OR2M3: variants seen among roughly 807,000 people sequenced by gnomAD.
OR2M3 encodes olfactory receptor 2M3.
A neutral mutation model predicts 4.3 loss-of-function variants in OR2M3; 1 was observed. The ratio of observed to expected loss-of-function variants is 0.23; its 90% confidence interval spans 0.08 to 1.11. OR2M3 has a LOEUF of 1.11. OR2M3 is among the 50% of genes most tolerant of loss of function. The pLI, the probability that OR2M3 is intolerant of heterozygous loss-of-function variation, is 0.54. For missense variants in OR2M3, 410 were observed against 390.4 expected (o/e 1.05, Z -0.42); for synonymous variants, 151 against 139.4 (o/e 1.08, Z -0.59).
At chr1:248,199,959 C>T (rs1666137674) in intron 1 of OR2M3, among the ~76,000 whole-genome samples, 1 of 152,074 alleles carries the variant, frequency 6.6e-6, no homozygotes, top group Non-Finnish European at 1.5e-5. Context: ...TTTAATGCTT[C>T]ATGATTCAGT....
rs1195935159 is a variant in OR2M3, at chr1:248,203,565, CT to C, written c.499del (p.Ser167ProfsTer8). The C allele has an allele frequency of 6.2e-7, 1 of 1,613,816 alleles. No individual in the cohort carries two copies. The highest frequency in any genetic ancestry group is 1.1e-5 in the South Asian group (1 of 91,064). On this transcript the variant is annotated frameshift_variant, in exon 2 of 2. Transcript: ENST00000641626. LOFTEE classifies it low-confidence loss of function (END_TRUNC). ...TTGATGTTGTAGCAACATTTTCCTTCTCCTACTGTGGGTCTCGGGAAATAGC... is the reference window on the plus strand; with the variant it reads ...TTGATGTTGTAGCAACATTTTCCTTCCCTACTGTGGGTCTCGGGAAATAGC... ...IIDVVATFSFSYCGSREIAHF... is the reference protein window; with the variant it reads ...IIDVVATFSFXYCGSREIAHF...
rs1666257426 is a variant in OR2M3, at chr1:248,209,525, T to A, written c.*5519T>A. The A allele has an allele frequency of 6.6e-6, 1 of 152,198 alleles. No homozygotes were observed. Among genetic ancestry groups the A allele is most frequent in the Non-Finnish European group, 1.5e-5 (1 of 68,052 alleles). 9.4% of individuals were successfully genotyped at this position (152,198 alleles called of 1,614,324 possible). On this transcript the variant is annotated 3_prime_UTR_variant, in exon 2 of 2. Coordinates refer to ENST00000641626, the MANE Select transcript of OR2M3 (RefSeq NM_001004689.2). Reference sequence around the variant, plus strand: ...TGAGTGCTCCCTCGATGTGGTGTTCTCATTCCCCTAGGAATGAGGCTTCCT... The same window carrying A: ...TGAGTGCTCCCTCGATGTGGTGTTCACATTCCCCTAGGAATGAGGCTTCCT...
chr1:248,203,058 C>G lies in OR2M3; in HGVS notation c.-10C>G. ...TGGTTTTGTGGTACTAGGTAAAAAG[C>G]ATACACATCATGGCAAGGGAGAATT... On this transcript the variant is annotated 5_prime_UTR_variant, in exon 2 of 2. Transcript: ENST00000641626. The G allele has an allele frequency of 7.5e-6, 12 of 1,605,394 alleles. No individual in the cohort carries two copies. Among genetic ancestry groups the G allele is most frequent in the Non-Finnish European group, 1.0e-5 (12 of 1,175,642 alleles).
At position 248,209,789 on chromosome 1, in the gene OR2M3, G is replaced by A. The variant is rs531856622; in HGVS notation, c.*5783G>A. 2 of 152,580 alleles carry A rather than the reference G, an allele frequency of 1.3e-5. No homozygotes were observed. The highest frequency in any genetic ancestry group is 2.4e-5 in the African/African-American group (1 of 41,566). The allele number at this position is 152,580 out of a possible 1,614,324, so 9.5% of individuals were successfully genotyped here. A position where few individuals can be genotyped will look rare whatever the true frequency, so the allele number is the denominator to read the frequency against. On this transcript the variant is annotated 3_prime_UTR_variant, in exon 2 of 2. Transcript: ENST00000641626. ...TGTTGGCCTTCAGCCAGGAGGTAGTGCTTTCCAGAGTGCATCAGCGGCCCT... is the reference window on the plus strand; with the variant it reads ...TGTTGGCCTTCAGCCAGGAGGTAGTACTTTCCAGAGTGCATCAGCGGCCCT...
At position 248,204,813 on chromosome 1, in the gene OR2M3, T is replaced by C. The variant is rs139342405; in HGVS notation, c.*807T>C. On this transcript the variant is annotated 3_prime_UTR_variant, in exon 2 of 2. Transcript: ENST00000641626. Reference sequence around the variant, plus strand: ...TCCTCTGTGTAGTTAGTAGTGGTATTGCTAGATCAAAAGGTAGATCCACTT... The same window carrying C: ...TCCTCTGTGTAGTTAGTAGTGGTATCGCTAGATCAAAAGGTAGATCCACTT... 1,049 of 152,126 alleles carry C rather than the reference T, an allele frequency of 6.9e-3. 16 individuals are homozygous for C. The highest frequency in any genetic ancestry group is 0.023 in the African/African-American group (974 of 41,466). 9.4% of individuals were successfully genotyped at this position (152,126 alleles called of 1,614,324 possible). A position where few individuals can be genotyped will look rare whatever the true frequency, so the allele number is the denominator to read the frequency against.
rs148929953 is a variant in OR2M3 at position 248,203,884 on chromosome 1, A to G, written c.817A>G (p.Met273Val). The G allele has an allele frequency of 2.5e-6, 4 of 1,613,760 alleles. No homozygotes were observed. Among genetic ancestry groups the G allele is most frequent in the South Asian group, 1.1e-5 (1 of 91,066 alleles). ...TGATCGCTCCCCAACACAGGACAAG[A>G]TGGTGTCTGTATTCTACACCATCCT... The part of the protein sequence containing the change: ...TSDRSPTQDK[M>V]VSVFYTILTP... Residue 273 changes from methionine (M) to valine (V), a missense_variant, in exon 2 of 2, where the codon ATG (methionine) becomes GTG (valine). Transcript: ENST00000641626.
Position 248,210,344 on chromosome 1 carries a change from A to G in OR2M3, c.*6338A>G, listed in dbSNP as rs1027977285. The G allele has an allele frequency of 6.6e-6, 1 of 152,568 alleles. No homozygotes were observed. Among genetic ancestry groups the G allele is most frequent in the Non-Finnish European group, 1.5e-5 (1 of 68,332 alleles). 9.5% of individuals were successfully genotyped at this position (152,568 alleles called of 1,614,324 possible). ...CTGCAGTGGTGATCCAGTTCCTTCA[A>G]AGGATCTGTGGATTCTCTCAGCTTT... On this transcript the variant is annotated 3_prime_UTR_variant, in exon 2 of 2. Coordinates refer to ENST00000641626, the MANE Select transcript of OR2M3 (RefSeq NM_001004689.2).
rs915345949 is a variant in OR2M3 at position 248,202,276 on chromosome 1, G to A, written c.-18-774G>A. On this transcript the variant is annotated intron_variant, in intron 1 of 1. Transcript: ENST00000641626. ...CTAATCCCTGCCTCCCCCATCACACGGTAATCCCCAGTGTCTCAGTCTTTG... is the reference window on the plus strand; with the variant it reads ...CTAATCCCTGCCTCCCCCATCACACAGTAATCCCCAGTGTCTCAGTCTTTG... Among the ~76,000 whole-genome samples the A allele has an allele frequency of 2.9e-5, 3 of 103,696 alleles. 1 individual carries two copies. The highest frequency in any genetic ancestry group is 4.9e-4 in the East Asian group (2 of 4,118). 68.0% of individuals were successfully genotyped at this position (103,696 alleles called of 152,430 possible). A position where few individuals can be genotyped will look rare whatever the true frequency, so the allele number is the denominator to read the frequency against.
chr1:248,197,669 C>G (rs1666111881), intron 1 of OR2M3, among the ~76,000 whole-genome samples: 1 of 152,050 alleles, frequency 6.6e-6, no homozygotes, highest in African/African-American at 2.4e-5. Context: ...TGGCCACGTT[C>G]TCTTTTCTTT....
chr1:248,203,148 C>T lies in OR2M3; in HGVS notation c.81C>T (p.Leu27=), dbSNP rs1488386715. Residue 27 remains leucine (L), a synonymous_variant, in exon 2 of 2, where the codon CTC becomes CTT. Transcript: ENST00000641626. ...ATCACAGCCCCACCCACACCTTCCT[C>T]TTCTTTCTGGTCCTGGCCATCTTTT... ...IFNHSPTHTF[L]FFLVLAIFSV... 6.2e-7 allele frequency: 1 copy of T among 1,613,958 alleles called. No homozygotes were observed. Among genetic ancestry groups the T allele is most frequent in the Admixed American group, 1.7e-5 (1 of 59,972 alleles).
In OR2M3 at chr1:248,203,468, A is replaced by G. The variant is rs1666185191; in HGVS notation, c.401A>G (p.Asn134Ser). 1.2e-6 allele frequency: 2 copies of G among 1,613,842 alleles called. No individual in the cohort carries two copies. Among genetic ancestry groups the G allele is most frequent in the East Asian group, 2.2e-5 (1 of 44,870 alleles). Residue 134 changes from asparagine to serine, a missense_variant, in exon 2 of 2, where the codon AAT becomes AGT. Transcript: ENST00000641626. ...TAICHPLRYT[N>S]LMSPKICGLM... is the part of the protein sequence containing the mutation. ...ATTTGCCACCCTCTAAGATACACCA[A>G]TCTCATGAGCCCTAAAATTTGTGGA...
Position 248,209,120 on chromosome 1 carries a change from T to C in OR2M3, c.*5114T>C, listed in dbSNP as rs1216558290. ...TCGTTGGATTTTATTGGTGAGAATT[T>C]CCAGTGCATTTCACATTTCTCTAAG... On this transcript the variant is annotated 3_prime_UTR_variant, in exon 2 of 2. Transcript: ENST00000641626. 2.6e-5 allele frequency: 4 copies of C among 152,152 alleles called. No individual in the cohort carries two copies. The highest frequency in any genetic ancestry group is 9.7e-5 in the African/African-American group (4 of 41,430). 9.4% of individuals were successfully genotyped at this position (152,152 alleles called of 1,614,324 possible).
intron 1 of OR2M3, among the ~76,000 whole-genome samples, chr1:248,201,691 C>T (rs1355840149): frequency 8.0e-5 from 12 of 150,372 alleles, no homozygotes; most frequent in African/African-American, 2.0e-4. Context: ...TGAGAACATG[C>T]GGTGTTTGGT....
chr1:248,200,053 G>A (rs1666140077), intron 1 of OR2M3, among the ~76,000 whole-genome samples: 1 of 152,062 alleles, frequency 6.6e-6, no homozygotes, highest in Non-Finnish European at 1.5e-5. Flanking sequence ...TGACTGGGAA[G>A]GAATGATTCT....
rs1666228826 is a variant in OR2M3, at chr1:248,206,891, ATTC to A, written c.*2891_*2893del. On this transcript the variant is annotated 3_prime_UTR_variant, in exon 2 of 2. Transcript: ENST00000641626. ...AATAGTGTCAATAGGATTGGTATTA[ATTC>A]TTCTTTGAATGTCTGATAGAATTCA... 6.6e-6 allele frequency: 1 copy of A among 151,964 alleles called. No homozygotes were observed. Among genetic ancestry groups the A allele is most frequent in the African/African-American group, 2.4e-5 (1 of 41,394 alleles). 9.4% of individuals were successfully genotyped at this position (151,964 alleles called of 1,614,324 possible).
At position 248,207,861 on chromosome 1, in the gene OR2M3, T is replaced by G. The variant is rs1461162792; in HGVS notation, c.*3855T>G. On this transcript the variant is annotated 3_prime_UTR_variant, in exon 2 of 2. Transcript: ENST00000641626. Reference sequence around the variant, plus strand: ...TATAGTTTAAGTGCATTGTTTCTTTTTTTACTTTCTGTCTTAAAGACCTGT... The same window carrying G: ...TATAGTTTAAGTGCATTGTTTCTTTGTTTACTTTCTGTCTTAAAGACCTGT... 6.6e-6 allele frequency: 1 copy of G among 152,004 alleles called. No individual in the cohort carries two copies. Among genetic ancestry groups the G allele is most frequent in the African/African-American group, 2.4e-5 (1 of 41,428 alleles). The allele number at this position is 152,004 out of a possible 1,614,324, so 9.4% of individuals were successfully genotyped here.
At position 248,211,734 on chromosome 1, in the gene OR2M3, C is replaced by A. The variant is rs1666285311; in HGVS notation, c.*7728C>A. On this transcript the variant is annotated 3_prime_UTR_variant, in exon 2 of 2. Transcript: ENST00000641626. ...ATCAAAAGTGCATTATTCTTAGAAGCAGATATTACAAAATTTAATTTCCTA... is the reference window on the plus strand; with the variant it reads ...ATCAAAAGTGCATTATTCTTAGAAGAAGATATTACAAAATTTAATTTCCTA... 6.6e-6 allele frequency: 1 copy of A among 152,018 alleles called. No individual in the cohort carries two copies. The highest frequency in any genetic ancestry group is 2.1e-4 in the South Asian group (1 of 4,824). 9.4% of individuals were successfully genotyped at this position (152,018 alleles called of 1,614,324 possible). A position where few individuals can be genotyped will look rare whatever the true frequency, so the allele number is the denominator to read the frequency against.
At chr1:248,202,757 G>A (rs541897609) in intron 1 of OR2M3, among the ~76,000 whole-genome samples, 2 of 114,086 alleles carry the variant, frequency 1.8e-5, no homozygotes, top group Admixed American at 8.8e-5. Context: ...TGTTTCCCTT[G>A]GAGACTTTAA....
intron 1 of OR2M3, among the ~76,000 whole-genome samples, chr1:248,198,124 A>T (rs924854665): frequency 6.6e-6 from 1 of 152,146 alleles, no homozygotes; most frequent in African/African-American, 2.4e-5. Context: ...ATGTTTATTT[A>T]CAAAAATATG....
Sources: gnomAD v4.1 joint callset for allele counts (sites outside exome capture counted in the v4.1 genomes callset) on GRCh38, gnomAD v4.1.1 for gene constraint, MANE v1.5 for transcripts, NCBI Gene and HGNC (gene_info 2026-07-23, HGNC 2026-07-21) for gene names.